The following HIVEP1 variants were observed in gnomAD, a reference collection of about 807,000 sequenced individuals.
The protein encoded by HIVEP1 is HIVEP zinc finger 1.
In HIVEP1, 36 loss-of-function variants were observed where a neutral mutation model predicts 180.0. The ratio of observed to expected loss-of-function variants is 0.20; its 90% CI spans 0.15 to 0.26. The LOEUF (loss-of-function observed/expected upper bound fraction) is 0.26, where lower values mean the gene tolerates loss of function less well. Ranked by LOEUF, HIVEP1 falls within the 10% of genes least tolerant of loss-of-function variation. The pLI, the probability that HIVEP1 is intolerant of heterozygous loss-of-function variation, is 1.00. For synonymous variants in HIVEP1, 1,239 were observed against 1,239.0 expected (o/e 1.00, Z 0.00); for missense variants, 3,143 against 3,268.7 (o/e 0.96, Z 0.94).
At chr6:12,045,327 G>C (rs1770054860) in intron 2 of HIVEP1, among the ~76,000 whole-genome samples, 1 of 152,234 alleles carries the variant, frequency 6.6e-6, no homozygotes, top group African/African-American at 2.4e-5. Context: ...TTTCACACCA[G>C]CTATTGGCTT....
intron 3 of HIVEP1, among the ~76,000 whole-genome samples, chr6:12,114,586 C>T (rs1243803746): frequency 1.3e-5 from 2 of 152,176 alleles, no homozygotes; most frequent in African/African-American, 4.8e-5. Flanking sequence ...AGATCTGTGC[C>T]TCTAGCCCAG....
intron 3 of HIVEP1, among the ~76,000 whole-genome samples, chr6:12,107,201 ATTT>A (rs892879885): frequency 6.6e-6 from 1 of 152,090 alleles, no homozygotes; most frequent in African/African-American, 2.4e-5. Context: ...GGTTACGTGA[ATTT>A]TTTTTATTTC....
chr6:12,046,488 C>A (rs897745342), intron 2 of HIVEP1, among the ~76,000 whole-genome samples: 3 of 152,110 alleles, frequency 2.0e-5, no homozygotes, highest in African/African-American at 4.8e-5. Flanking sequence ...GAGTTAGAAT[C>A]CTGGGTTGCT....
intron 2 of HIVEP1, among the ~76,000 whole-genome samples, chr6:12,077,470 T>C (rs1206016805): frequency 6.6e-6 from 1 of 152,138 alleles, no homozygotes; most frequent in African/African-American, 2.4e-5. Flanking sequence ...TCATAAGTCA[T>C]CTGCACTTGT....
upstream of HIVEP1, among the ~76,000 whole-genome samples, chr6:12,009,675 G>A (rs1214711275): frequency 1.3e-5 from 2 of 152,186 alleles, no homozygotes; most frequent in Non-Finnish European, 2.9e-5. Flanking sequence ...TTATAGTATA[G>A]CCAGGTTTCC....
chr6:12,038,739 ACCAC>A (rs1769471641), intron 2 of HIVEP1: 1 of 152,578 alleles, frequency 6.6e-6, no homozygotes, highest in Non-Finnish European at 1.5e-5. Flanking sequence ...CACCACCACC[ACCAC>A]CAACAACAAC....
In HIVEP1 at chr6:12,163,906, C is replaced by T; in HGVS notation, c.7602C>T (p.Ser2534=). Reference sequence around the variant, plus strand: ...CTGCAAACCCTTCATCACAAAGCAGCCCCGCCCCTCAGGCACACATTCCAG... The same window carrying T: ...CTGCAAACCCTTCATCACAAAGCAGTCCCGCCCCTCAGGCACACATTCCAG... The part of the protein sequence containing the change: ...VLTANPSSQS[S]PAPQAHIPGL... The change falls in exon 9 of 9, where the codon AGC becomes AGT. Residue 2534 remains serine, a synonymous_variant. Transcript: ENST00000379388. 1.2e-6 allele frequency: 2 copies of T among 1,614,162 alleles called. No homozygotes were observed. Among genetic ancestry groups the T allele is most frequent in the South Asian group, 1.1e-5 (1 of 91,080 alleles).
At chr6:12,178,730 A>T in the HIVEP1 span, among the ~76,000 whole-genome samples, 1 of 151,830 alleles carries the variant, frequency 6.6e-6, no homozygotes, top group African/African-American at 2.4e-5. Context: ...TCTATGTTCC[A>T]GCAATCCCCA....
chr6:12,137,687 A>G (rs1221474402), intron 7 of HIVEP1, among the ~76,000 whole-genome samples: 1 of 151,950 alleles, frequency 6.6e-6, no homozygotes, highest in Non-Finnish European at 1.5e-5. Flanking sequence ...GTGCTGTGTC[A>G]TGCTGTGCTA....
intron 2 of HIVEP1, among the ~76,000 whole-genome samples, chr6:12,075,474 T>C (rs562821608): frequency 6.6e-6 from 1 of 152,222 alleles, no homozygotes; most frequent in Non-Finnish European, 1.5e-5. Context: ...CTTTAGCTGC[T>C]TCACCTCACT....
chr6:12,078,298 C>T (rs1216581300), intron 2 of HIVEP1, among the ~76,000 whole-genome samples: 2 of 151,558 alleles, frequency 1.3e-5, no homozygotes, highest in Non-Finnish European at 2.9e-5. Context: ...TGACTTGGTC[C>T]GCATTGTCAG....
At chr6:12,073,357 C>CA (rs1162244688) in intron 2 of HIVEP1, among the ~76,000 whole-genome samples, 1 of 152,158 alleles carries the variant, frequency 6.6e-6, no homozygotes, top group Non-Finnish European at 1.5e-5. Context: ...ACAAGCAGTT[C>CA]AAAAGACAGC....
chr6:12,142,960 G>C (rs1231933177), intron 7 of HIVEP1, among the ~76,000 whole-genome samples: 1 of 152,190 alleles, frequency 6.6e-6, no homozygotes, highest in Non-Finnish European at 1.5e-5. Flanking sequence ...GAGGTACAAA[G>C]AGGAGCTGGT....
chr6:12,101,306 G>T (rs1269819797), intron 3 of HIVEP1, among the ~76,000 whole-genome samples: 1 of 152,108 alleles, frequency 6.6e-6, no homozygotes, highest in Admixed American at 6.6e-5. Flanking sequence ...TATATACTTG[G>T]TTTTCTTCTC....
chr6:12,020,613 C>T (rs1440882559), intron 2 of HIVEP1, among the ~76,000 whole-genome samples: 1 of 151,912 alleles, frequency 6.6e-6, no homozygotes, highest in African/African-American at 2.4e-5. Flanking sequence ...TCGTGTTTTG[C>T]CACTCATTCT....
intron 2 of HIVEP1, among the ~76,000 whole-genome samples, chr6:12,078,940 G>A (rs542995814): frequency 1.8e-4 from 28 of 152,108 alleles, no homozygotes; most frequent in Non-Finnish European, 2.8e-4. Flanking sequence ...GTGTGTGTGC[G>A]TGCGTGTATG....
the HIVEP1 span, among the ~76,000 whole-genome samples, chr6:12,206,726 C>A: frequency 3.3e-5 from 5 of 152,138 alleles, no homozygotes; most frequent in African/African-American, 7.2e-5. Context: ...AGAATGCTGT[C>A]TTTAGTTATC....
At chr6:12,174,814 G>T in the HIVEP1 span, among the ~76,000 whole-genome samples, 2 of 152,102 alleles carry the variant, frequency 1.3e-5, no homozygotes, top group African/African-American at 4.8e-5. Flanking sequence ...TGTTGTCCTT[G>T]TTGTTGCTAT....
At chr6:12,045,193 G>A (rs1399443376) in intron 2 of HIVEP1, among the ~76,000 whole-genome samples, 5 of 152,156 alleles carry the variant, frequency 3.3e-5, no homozygotes, top group Admixed American at 3.3e-4. Context: ...TCAGAAGTTG[G>A]CTTGGGTGAA....
Sources: allele counts gnomAD v4.1 joint callset (sites outside exome capture counted in the v4.1 genomes callset), GRCh38; gene constraint gnomAD v4.1.1; transcripts MANE v1.5; gene names NCBI Gene and HGNC (gene_info 2026-07-23, HGNC 2026-07-21).